ADAMTS17: variants seen among roughly 807,000 people sequenced by gnomAD.
ADAMTS17 encodes A disintegrin and metalloproteinase with thrombospondin motifs 17.
ADAMTS17 carries 113 observed loss-of-function variants against 141.5 expected under a neutral mutation model. That is an observed-to-expected ratio of 0.80 (90% CI 0.69 to 0.93). The LOEUF (loss-of-function observed/expected upper bound fraction) is 0.93. ADAMTS17 is among the 40% of genes least tolerant of loss of function. The pLI is 0.00. For missense variants in ADAMTS17, 1,659 were observed against 1,517.9 expected (o/e 1.09, Z -1.54); for synonymous variants, 768 against 630.6 (o/e 1.22, Z -3.27).
At chr15:100,011,872 T>TTGTATAA (rs1567674928) in intron 18 of ADAMTS17, among the ~76,000 whole-genome samples, 1 of 152,260 alleles carries the variant, frequency 6.6e-6, no homozygotes, top group South Asian at 2.1e-4. Flanking sequence ...AGTATCTTTC[T>TTGTATAA]TGTATAATGA....
At chr15:100,129,368 C>T (rs903826976) in intron 12 of ADAMTS17, 4 of 152,254 alleles carry the variant, frequency 2.6e-5, no homozygotes, top group African/African-American at 4.8e-5. Context: ...ATTAAATACA[C>T]ACCAAGGACT....
chr15:100,170,532 G>C (rs2040120993), intron 8 of ADAMTS17, among the ~76,000 whole-genome samples: 1 of 152,178 alleles, frequency 6.6e-6, no homozygotes, highest in Non-Finnish European at 1.5e-5. Flanking sequence ...ATCAAATTGG[G>C]AACCATTGAA....
intron 18 of ADAMTS17, among the ~76,000 whole-genome samples, chr15:100,017,725 G>A (rs1286641293): frequency 1.3e-5 from 2 of 152,112 alleles, no homozygotes; most frequent in Non-Finnish European, 2.9e-5. Flanking sequence ...TGTCTCCTGG[G>A]TCCTGCAGGA....
In ADAMTS17 at chr15:100,341,210, G is replaced by A. The variant is rs754513825; in HGVS notation, c.279C>T (p.Tyr93=). 4.8e-6 allele frequency: 7 copies of A among 1,453,006 alleles called. No homozygotes were observed. The South Asian group carries it at 7.8e-5, about 16-fold the overall frequency. 90.0% of individuals were successfully genotyped at this position (1,453,006 alleles called of 1,614,324 possible). ...AGCGCAGGTCGCGGCGCAGCTGAAGGTACAGGTCGCGCCCGAAGGCCGGCA... is the reference window on the plus strand; with the variant it reads ...AGCGCAGGTCGCGGCGCAGCTGAAGATACAGGTCGCGCCCGAAGGCCGGCA... ...LHLPAFGRDL[Y]LQLRRDLRFL... The change falls in exon 2 of 22, where the codon TAC becomes TAT. Residue 93 remains tyrosine, a synonymous_variant. Transcript: ENST00000268070.
At chr15:100,242,568 C>T (rs1191865033) in intron 7 of ADAMTS17, among the ~76,000 whole-genome samples, 1 of 152,216 alleles carries the variant, frequency 6.6e-6, no homozygotes, top group African/African-American at 2.4e-5. Context: ...CTCCCACACA[C>T]TGCAGCCTCT....
chr15:100,102,741 C>G (rs1272224155), intron 14 of ADAMTS17, among the ~76,000 whole-genome samples: 1 of 152,166 alleles, frequency 6.6e-6, no homozygotes, highest in Non-Finnish European at 1.5e-5. Flanking sequence ...GCACAGAGAC[C>G]TCCCTGCCTG....
intron 20 of ADAMTS17, among the ~76,000 whole-genome samples, chr15:99,984,027 G>A (rs539041916): frequency 6.6e-5 from 10 of 152,182 alleles, no homozygotes; most frequent in African/African-American, 1.9e-4. Context: ...TCCCTGTGCC[G>A]TCGCTGGGAA....
At chr15:100,184,200 T>C (rs919233985) in intron 8 of ADAMTS17, among the ~76,000 whole-genome samples, 5 of 152,162 alleles carry the variant, frequency 3.3e-5, no homozygotes, top group Admixed American at 6.5e-5. Context: ...GTGGTCTCTG[T>C]TGGGCTTTGT....
At chr15:100,227,190 G>C (rs2042337018) in intron 7 of ADAMTS17, among the ~76,000 whole-genome samples, 1 of 152,082 alleles carries the variant, frequency 6.6e-6, no homozygotes, top group Non-Finnish European at 1.5e-5. Flanking sequence ...ACCATCTCCT[G>C]AACACTTCCA....
intron 18 of ADAMTS17, among the ~76,000 whole-genome samples, chr15:100,029,706 C>A (rs1032118327): frequency 6.6e-6 from 1 of 152,222 alleles, no homozygotes; most frequent in South Asian, 2.1e-4. Flanking sequence ...AAGCCCCATA[C>A]TCTATCTCTA....
chr15:100,243,363 T>C (rs926046207), intron 7 of ADAMTS17, among the ~76,000 whole-genome samples: 4 of 152,250 alleles, frequency 2.6e-5, no homozygotes, highest in Admixed American at 6.5e-5. Context: ...TCCTGAATCA[T>C]ATTTTTTAAT....
intron 5 of ADAMTS17, 103 bp downstream of exon 5, chr15:100,262,249 G>C: frequency 9.7e-7 from 1 of 1,033,028 alleles, no homozygotes; most frequent in Non-Finnish European, 1.5e-6. Context: ...GAGTGACGGA[G>C]ACTGGCAACT....
intron 18 of ADAMTS17, among the ~76,000 whole-genome samples, chr15:100,045,778 T>C (rs572551225): frequency 6.6e-6 from 1 of 152,334 alleles, no homozygotes; most frequent in Non-Finnish European, 1.5e-5. Context: ...AACTAGGGCC[T>C]TCCTTTGGTT....
chr15:100,194,351 G>C (rs959345521), intron 8 of ADAMTS17, among the ~76,000 whole-genome samples: 1 of 152,196 alleles, frequency 6.6e-6, no homozygotes, highest in African/African-American at 2.4e-5. Context: ...CCTGGACCTA[G>C]CTGCAGCATA....
At chr15:100,121,066 G>C (rs1596485984) in intron 12 of ADAMTS17, among the ~76,000 whole-genome samples, 2 of 152,140 alleles carry the variant, frequency 1.3e-5, no homozygotes, top group Admixed American at 1.3e-4. Context: ...AAAAGTATAA[G>C]AACTGAAATG....
At chr15:100,306,472 T>A (rs970446940) in intron 3 of ADAMTS17, 7 of 455,856 alleles carry the variant, frequency 1.5e-5, no homozygotes, top group African/African-American at 1.4e-4. Context: ...GTTGTCCTTG[T>A]CTTCAAGTCA....
chr15:100,103,574 CTTTT>C (rs11411616), intron 14 of ADAMTS17, among the ~76,000 whole-genome samples: 25 of 150,148 alleles, frequency 1.7e-4, no homozygotes, highest in African/African-American at 4.6e-4. Context: ...TCCAGCCACT[CTTTT>C]TTTTTCTTTT....
At chr15:100,119,229 C>G (rs2037324506) in intron 12 of ADAMTS17, among the ~76,000 whole-genome samples, 1 of 152,114 alleles carries the variant, frequency 6.6e-6, no homozygotes, top group South Asian at 2.1e-4. Flanking sequence ...ACAATAACTT[C>G]TGGTTGTTGA....
At chr15:100,064,216 G>T (rs575267923) in intron 15 of ADAMTS17, among the ~76,000 whole-genome samples, 1 of 152,140 alleles carries the variant, frequency 6.6e-6, no homozygotes, top group African/African-American at 2.4e-5. Flanking sequence ...GCCAAGGAAC[G>T]CCACAGACTG....
Sources: allele counts gnomAD v4.1 joint callset (sites outside exome capture counted in the v4.1 genomes callset), GRCh38; gene constraint gnomAD v4.1.1; transcripts MANE v1.5; gene names NCBI Gene and HGNC (gene_info 2026-07-23, HGNC 2026-07-21).